The following FRMD5 variants were observed in gnomAD, a reference collection of about 807,000 sequenced individuals.
FRMD5 encodes the protein FERM domain-containing protein 5.
FRMD5 carries 20 observed loss-of-function variants against 69.0 expected under a neutral mutation model. That is an observed-to-expected ratio of 0.29 (90% CI 0.20 to 0.42). The LOEUF is 0.42. Ranked by LOEUF, FRMD5 falls within the 10% of genes least tolerant of loss-of-function variation. The pLI is 1.00. For synonymous variants in FRMD5, 271 were observed against 260.1 expected, an observed-to-expected ratio of 1.04 and a Z score of -0.40; for missense variants, 595 against 708.6, an observed-to-expected ratio of 0.84 and a Z score of 1.82.
At chr15:44,188,764 G>A (rs2078144427) in intron 1 of FRMD5, among the ~76,000 whole-genome samples, 1 of 152,044 alleles carries the variant, frequency 6.6e-6, no homozygotes, top group Non-Finnish European at 1.5e-5. Context: ...CATAAGAATA[G>A]CTAGATTTGG....
intron 1 of FRMD5, among the ~76,000 whole-genome samples, chr15:44,037,865 T>C (rs1017573442): frequency 6.6e-6 from 1 of 152,176 alleles, no homozygotes; most frequent in Non-Finnish European, 1.5e-5. Context: ...TTCTAGATCC[T>C]TGAGGAATCA....
chr15:44,033,521 A>G (rs1891777863), intron 1 of FRMD5, among the ~76,000 whole-genome samples: 1 of 152,158 alleles, frequency 6.6e-6, no homozygotes, highest in South Asian at 2.1e-4. Flanking sequence ...TGAACTTAAT[A>G]TTTTCATATA....
At chr15:44,086,325 G>A (rs1473547904) in intron 1 of FRMD5, among the ~76,000 whole-genome samples, 1 of 152,098 alleles carries the variant, frequency 6.6e-6, no homozygotes, top group Non-Finnish European at 1.5e-5. Flanking sequence ...TCCATCAACA[G>A]ATGAATGGAT....
At chr15:44,079,048 T>C (rs1230429810) in intron 1 of FRMD5, among the ~76,000 whole-genome samples, 1 of 152,114 alleles carries the variant, frequency 6.6e-6, no homozygotes, top group Non-Finnish European at 1.5e-5. Context: ...TTCAGATATA[T>C]AGAGAACTCC....
rs2088259106 is a variant in FRMD5 at position 43,874,296 on chromosome 15, A to G, written c.1302T>C (p.Pro434=). 1 of 1,614,102 alleles carries G rather than the reference A, an allele frequency of 6.2e-7. No homozygotes were observed. The highest frequency in any genetic ancestry group is 1.7e-5 in the Admixed American group (1 of 60,010). Residue 434 remains proline (P), a synonymous_variant, in exon 14 of 14, where the codon CCT becomes CCC. Transcript: ENST00000417257. ...TCAGCTCCAGGCTGTGCTCAGCCAC[A>G]GGGGTGGGCAGCACGCTGTCTGCAG... ...YSPADSVLPT[P]VAEHSLELML...
At chr15:43,960,033 T>G (rs2090171919) in intron 1 of FRMD5, among the ~76,000 whole-genome samples, 1 of 152,176 alleles carries the variant, frequency 6.6e-6, no homozygotes, top group Non-Finnish European at 1.5e-5. Flanking sequence ...TTCTCCTGCC[T>G]CAGCCTCCCA....
chr15:43,964,493 AAACAAAC>A (rs1428492534), intron 1 of FRMD5, among the ~76,000 whole-genome samples: 2 of 143,096 alleles, frequency 1.4e-5, no homozygotes, highest in African/African-American at 3.0e-5. Context: ...ACAAACAAAC[AAACAAAC>A]AAAAAAAAAA....
intron 13 of FRMD5, among the ~76,000 whole-genome samples, chr15:43,881,714 C>A (rs185441620): frequency 6.6e-6 from 1 of 152,256 alleles, no homozygotes; most frequent in Admixed American, 6.5e-5. Flanking sequence ...GGAAGATGTC[C>A]CTATTTTACA....
chr15:43,976,465 A>G (rs2090464128), intron 1 of FRMD5, among the ~76,000 whole-genome samples: 1 of 152,200 alleles, frequency 6.6e-6, no homozygotes. Context: ...AATTTTTTTA[A>G]AAAGGCAAAA....
intron 1 of FRMD5, among the ~76,000 whole-genome samples, chr15:44,011,205 T>TCCCTTTCTTCCTCTCTCCCTC (rs1555394015): frequency 7.2e-5 from 11 of 152,140 alleles, no homozygotes; most frequent in African/African-American, 2.4e-4. Flanking sequence ...CCTCTCTCCC[T>TCCCTTTCTTCCTCTCTCCCTC]CCCTTTCTTC....
rs1595539450 is a variant in FRMD5, at chr15:43,939,795, A to G, written c.103-15486T>C. ...AGGCTGGTCTCAAACTCCTGGGCGCAAGTGATCCACTTACCTCAGCCTCCC... is the reference window on the plus strand; with the variant it reads ...AGGCTGGTCTCAAACTCCTGGGCGCGAGTGATCCACTTACCTCAGCCTCCC... On this transcript the variant is annotated intron_variant, in intron 1 of 13. Transcript: ENST00000417257. Among the ~76,000 whole-genome samples, 5 of 151,936 alleles carry G rather than the reference A, an allele frequency of 3.3e-5. 1 individual carries two copies. In the South Asian group the frequency reaches 1.0e-3, roughly 32 times the overall value.
intron 1 of FRMD5, among the ~76,000 whole-genome samples, chr15:44,033,405 TAA>T (rs1256966014): frequency 6.6e-6 from 1 of 151,752 alleles, no homozygotes; most frequent in African/African-American, 2.4e-5. Flanking sequence ...AAAAAAAAAA[TAA>T]AGTTTTTCAA....
At chr15:44,039,413 T>C (rs1013386693) in intron 1 of FRMD5, among the ~76,000 whole-genome samples, 4 of 152,066 alleles carry the variant, frequency 2.6e-5, no homozygotes, top group Admixed American at 6.5e-5. Context: ...AGACATCTCA[T>C]ATAGGAGAGC....
At chr15:43,952,667 C>T (rs541113145) in intron 1 of FRMD5, among the ~76,000 whole-genome samples, 1 of 152,338 alleles carries the variant, frequency 6.6e-6, no homozygotes, top group East Asian at 1.9e-4. Context: ...AGCGAGCCTG[C>T]AGCTTCTGAG....
chr15:44,034,624 C>T (rs1215749694), intron 1 of FRMD5, among the ~76,000 whole-genome samples: 3 of 152,184 alleles, frequency 2.0e-5, no homozygotes, highest in Admixed American at 1.3e-4. Flanking sequence ...GAAAATATTT[C>T]CCCCTTACTT....
At chr15:44,152,241 C>T (rs1785427352) in intron 1 of FRMD5, among the ~76,000 whole-genome samples, 1 of 152,106 alleles carries the variant, frequency 6.6e-6, no homozygotes, top group African/African-American at 2.4e-5. Flanking sequence ...TCCCCTTTTC[C>T]AGTCAAAAAC....
chr15:43,882,392 T>G (rs2088554448), intron 13 of FRMD5, among the ~76,000 whole-genome samples: 2 of 152,092 alleles, frequency 1.3e-5, no homozygotes. Flanking sequence ...GGAGTCTTAC[T>G]CTGTTGCCCA....
At chr15:44,103,553 C>A (rs898070938) in intron 1 of FRMD5, among the ~76,000 whole-genome samples, 2 of 152,166 alleles carry the variant, frequency 1.3e-5, no homozygotes, top group African/African-American at 4.8e-5. Context: ...CCATACAATT[C>A]ATCTATTTAA....
At chr15:44,062,060 C>T (rs183415354) in intron 1 of FRMD5, among the ~76,000 whole-genome samples, 2 of 152,324 alleles carry the variant, frequency 1.3e-5, no homozygotes, top group East Asian at 3.9e-4. Flanking sequence ...GCAGGAAATA[C>T]AATCTGAACA....
Sources: allele counts gnomAD v4.1 joint callset (sites outside exome capture counted in the v4.1 genomes callset), GRCh38; gene constraint gnomAD v4.1.1; transcripts MANE v1.5; gene names NCBI Gene and HGNC (gene_info 2026-07-23, HGNC 2026-07-21).